RELN: variants seen among roughly 807,000 people sequenced by gnomAD.
RELN encodes reelin.
RELN carries 108 observed loss-of-function variants against 427.6 expected under a neutral mutation model. That is an observed-to-expected ratio of 0.25 (90% CI 0.22 to 0.30). RELN has a LOEUF of 0.30. Ranked by LOEUF, RELN falls within the 10% of genes least tolerant of loss-of-function variation. The probability of loss-of-function intolerance (pLI) is 1.00; values close to 1 mark genes in which losing one functional copy is unlikely to be tolerated. For missense variants in RELN, 3,715 were observed against 4,302.8 expected (o/e 0.86, Z 3.82); for synonymous variants, 1,524 against 1,513.4 (o/e 1.01, Z -0.16).
At chr7:103,564,145 A>T (rs1302420628) in intron 34 of RELN, among the ~76,000 whole-genome samples, 1 of 152,242 alleles carries the variant, frequency 6.6e-6, no homozygotes, top group East Asian at 1.9e-4. Flanking sequence ...TAAAAAATGA[A>T]TAAATGAGCT....
At chr7:103,537,867 G>A (rs1369401950) in intron 45 of RELN, among the ~76,000 whole-genome samples, 1 of 152,078 alleles carries the variant, frequency 6.6e-6, no homozygotes. Context: ...AAGCATCAAG[G>A]TCCACTTAAG....
rs60259062 is a variant in RELN at position 103,926,627 on chromosome 7, GTTTTTTTTTTTTTTTTTTT to G, written c.227-9461_227-9443del. Among the ~76,000 whole-genome samples the G allele has an allele frequency of 4.9e-3, 486 of 99,506 alleles. 5 individuals carry two copies. The East Asian group carries it at 0.051, about 10-fold the overall frequency. The allele number at this position is 99,506 out of a possible 152,430, so 65.3% of individuals were successfully genotyped here. A position where few individuals can be genotyped will look rare whatever the true frequency, so the allele number is the denominator to read the frequency against. ...CGAACGCAGCTCTAAAGTATCATAA[GTTTTTTTTTTTTTTTTTTT>G]TTTTTTTTTTTTTTTTGAGACGGAG... On this transcript the variant is annotated intron_variant, in intron 1 of 64. Transcript: ENST00000428762.
chr7:103,752,534 A>G (rs1222814142), intron 5 of RELN, among the ~76,000 whole-genome samples: 2 of 150,486 alleles, frequency 1.3e-5, no homozygotes, highest in African/African-American at 2.5e-5. Flanking sequence ...TCAGCCCCCA[A>G]AGTAACTAGG....
At chr7:103,510,515 A>G (rs10225941) in intron 51 of RELN, among the ~76,000 whole-genome samples, 281 of 152,262 alleles carry the variant, frequency 1.8e-3, no homozygotes, top group African/African-American at 6.2e-3. Flanking sequence ...TAGCATTAGG[A>G]GAAATACCTA....
chr7:103,658,246 T>C (rs1049799000), intron 12 of RELN, among the ~76,000 whole-genome samples: 3 of 152,084 alleles, frequency 2.0e-5, no homozygotes, highest in African/African-American at 7.2e-5. Context: ...TCCAGAAATA[T>C]GCTCACAGCA....
chr7:103,677,765 CAAAAAAAAAAAAA>C (rs60678229), intron 11 of RELN, among the ~76,000 whole-genome samples: 1 of 56,032 alleles, frequency 1.8e-5, no homozygotes, highest in Non-Finnish European at 3.2e-5. Flanking sequence ...GAATCTGTCT[CAAAAAAAAAAAAA>C]AAAAAAAAAA....
intron 2 of RELN, among the ~76,000 whole-genome samples, chr7:103,871,716 T>C (rs1417871025): frequency 2.0e-5 from 3 of 152,048 alleles, no homozygotes; most frequent in African/African-American, 7.2e-5. Flanking sequence ...AGGTATAAAG[T>C]ATGAAGAGAA....
chr7:103,755,825 A>AAAAAT (rs1249307273), intron 4 of RELN, among the ~76,000 whole-genome samples: 1 of 149,904 alleles, frequency 6.7e-6, no homozygotes, highest in African/African-American at 2.4e-5. Flanking sequence ...GAAAAAAAAA[A>AAAAAT]AAAAAAGATA....
At chr7:103,685,229 T>A (rs746800722) in intron 10 of RELN, among the ~76,000 whole-genome samples, 3 of 152,142 alleles carry the variant, frequency 2.0e-5, no homozygotes, top group African/African-American at 7.2e-5. Context: ...TTTTAAAAAA[T>A]TGGTCTCGAT....
intron 2 of RELN, among the ~76,000 whole-genome samples, chr7:103,869,697 T>C (rs1794282135): frequency 6.6e-6 from 1 of 152,166 alleles, no homozygotes; most frequent in Non-Finnish European, 1.5e-5. Flanking sequence ...CTTTGATTTC[T>C]CATTGGCTAT....
chr7:103,924,166 C>T (rs1289887361), intron 1 of RELN, among the ~76,000 whole-genome samples: 3 of 152,152 alleles, frequency 2.0e-5, no homozygotes, highest in Non-Finnish European at 4.4e-5. Context: ...GCAGTGCTTC[C>T]ATGCCCTGGG....
At chr7:103,501,338 C>A (rs1386397282) in intron 52 of RELN, among the ~76,000 whole-genome samples, 3 of 152,196 alleles carry the variant, frequency 2.0e-5, no homozygotes, top group African/African-American at 7.2e-5. Flanking sequence ...GCCTTGTCAG[C>A]ATACACACAG....
At chr7:103,556,484 G>A (rs924314918) in intron 38 of RELN, among the ~76,000 whole-genome samples, 2 of 151,602 alleles carry the variant, frequency 1.3e-5, no homozygotes, top group African/African-American at 2.4e-5. Context: ...TTGTTGATAC[G>A]GTTTGGCTCT....
At chr7:103,790,963 A>G (rs1460964297) in intron 3 of RELN, among the ~76,000 whole-genome samples, 1 of 152,068 alleles carries the variant, frequency 6.6e-6, no homozygotes, top group East Asian at 1.9e-4. Context: ...TCTGTCTCAA[A>G]AACAAACAAA....
chr7:103,752,216 A>G (rs1791020719), intron 5 of RELN, among the ~76,000 whole-genome samples: 1 of 152,186 alleles, frequency 6.6e-6, no homozygotes, highest in Admixed American at 6.5e-5. Context: ...TGAGGCACAG[A>G]GAGGTTAAGT....
chr7:103,777,878 T>C (rs897447519), intron 3 of RELN, among the ~76,000 whole-genome samples: 1 of 59,062 alleles, frequency 1.7e-5, no homozygotes, highest in Non-Finnish European at 3.4e-5. Flanking sequence ...GAAAGTGTTA[T>C]ACCTTCACAC....
intron 6 of RELN, among the ~76,000 whole-genome samples, chr7:103,732,560 G>A (rs746309109): frequency 3.3e-5 from 5 of 152,104 alleles, no homozygotes; most frequent in South Asian, 2.1e-4. Flanking sequence ...AGGCAAGACC[G>A]TACAGAAGGC....
rs896999614 is a variant in RELN at position 103,555,454 on chromosome 7, T to C, written c.5797+1523A>G. On this transcript the variant is annotated intron_variant, in intron 38 of 64. Transcript: ENST00000428762. Reference sequence around the variant, plus strand: ...TTTAGAAAGTGGTTGGTGGAATCAATGAAAAAATAATTAGGTGAGCACTCC... The same window carrying C: ...TTTAGAAAGTGGTTGGTGGAATCAACGAAAAAATAATTAGGTGAGCACTCC... Among the ~76,000 whole-genome samples, 14 of 152,144 alleles carry C rather than the reference T, an allele frequency of 9.2e-5. 1 individual carries two copies. The highest frequency in any genetic ancestry group is 7.2e-5 in the African/African-American group (3 of 41,424).
Position 103,844,847 on chromosome 7 carries a change from T to C in RELN, c.338-11175A>G, listed in dbSNP as rs113895256. ...ATTTTATTTGCAGAATTAAAGAATA[T>C]ATCTCAGTCCCCTCTGTTTCTACTG... On this transcript the variant is annotated intron_variant, in intron 2 of 64. Transcript: ENST00000428762. Among the ~76,000 whole-genome samples, 253 of 152,338 alleles carry C rather than the reference T, an allele frequency of 1.7e-3. 1 individual carries two copies. The highest frequency in any genetic ancestry group is 5.9e-3 in the African/African-American group (245 of 41,582).
Sources: allele counts gnomAD v4.1 joint callset (sites outside exome capture counted in the v4.1 genomes callset), GRCh38; gene constraint gnomAD v4.1.1; transcripts MANE v1.5; gene names NCBI Gene and HGNC (gene_info 2026-07-23, HGNC 2026-07-21).